Variants in GSG1L observed in about 807,000 individuals in gnomAD.
The protein encoded by GSG1L is GSG1 like.
A neutral mutation model predicts 42.1 loss-of-function variants in GSG1L; 24 were observed. The observed-to-expected ratio is 0.57, with a 90% CI of 0.41 to 0.80. The LOEUF is 0.80. GSG1L is among the 30% of genes least tolerant of loss of function. The pLI is 0.00. For missense variants in GSG1L, 445 were observed against 472.2 expected, an observed-to-expected ratio of 0.94 and a Z score of 0.53; for synonymous variants, 215 against 203.5, an observed-to-expected ratio of 1.06 and a Z score of -0.48.
Position 27,922,000 on chromosome 16 carries a change from CTT to C in GSG1L, c.398-37364_398-37363del, listed in dbSNP as rs5816454. On this transcript the variant is annotated intron_variant, in intron 2 of 6. Coordinates refer to ENST00000447459, the MANE Select transcript of GSG1L (RefSeq NM_001109763.2). ...TATTGTTGTTGTTGTTGTTTGTTGT[CTT>C]TTTTTTTTTTTTTGGCTTCCTGAGT... Among the ~76,000 whole-genome samples the C allele has an allele frequency of 9.2e-3, 1,226 of 133,566 alleles. 10 individuals are homozygous for C. The highest frequency in any genetic ancestry group is 0.029 in the African/African-American group (1,029 of 36,102). The allele number at this position is 133,566 out of a possible 152,430, so 87.6% of individuals were successfully genotyped here.
chr16:27,878,032 C>A (rs1254643510), intron 3 of GSG1L, among the ~76,000 whole-genome samples: 1 of 151,962 alleles, frequency 6.6e-6, no homozygotes, highest in Non-Finnish European at 1.5e-5. Flanking sequence ...TACCCCAGGG[C>A]CAGCGCATAG....
intron 1 of GSG1L, among the ~76,000 whole-genome samples, chr16:28,044,989 CTA>C (rs946480087): frequency 6.6e-6 from 1 of 152,116 alleles, no homozygotes; most frequent in African/African-American, 2.4e-5. Flanking sequence ...GATTCCAACT[CTA>C]TGACAGTTTT....
chr16:27,825,057 C>A (rs1363818895), intron 5 of GSG1L, among the ~76,000 whole-genome samples: 1 of 152,104 alleles, frequency 6.6e-6, no homozygotes, highest in East Asian at 1.9e-4. Context: ...CGAGATTGAA[C>A]ACCTGACCTA....
chr16:27,951,453 C>T (rs936367361), intron 2 of GSG1L, among the ~76,000 whole-genome samples: 2 of 152,130 alleles, frequency 1.3e-5, no homozygotes, highest in African/African-American at 4.8e-5. Context: ...CCAGGAGGTA[C>T]CCAGTCCCTC....
intron 3 of GSG1L, among the ~76,000 whole-genome samples, chr16:27,869,712 TC>T (rs1403151915): frequency 6.8e-6 from 1 of 146,446 alleles, no homozygotes; most frequent in Non-Finnish European, 1.5e-5. Context: ...CATTTCTCTC[TC>T]CTTCTCTCTC....
intron 2 of GSG1L, among the ~76,000 whole-genome samples, chr16:27,912,673 G>A (rs1312359182): frequency 6.6e-6 from 1 of 152,208 alleles, no homozygotes; most frequent in Non-Finnish European, 1.5e-5. Context: ...GATTGACGCA[G>A]CCACTTCAGA....
At chr16:27,985,501 C>T (rs62031270) in intron 1 of GSG1L, among the ~76,000 whole-genome samples, 29,494 of 152,094 alleles carry the variant, frequency 0.19, 3,499 homozygotes, top group Middle Eastern at 0.29. Context: ...CGATGCTTTC[C>T]GCTCAGCCTG....
chr16:27,915,559 T>C (rs2084444801), intron 2 of GSG1L, among the ~76,000 whole-genome samples: 1 of 152,174 alleles, frequency 6.6e-6, no homozygotes, highest in African/African-American at 2.4e-5. Flanking sequence ...GCACCTACTA[T>C]GTGCTGGGTG....
At position 27,911,171 on chromosome 16, in the gene GSG1L, C is replaced by A. The variant is rs912967777; in HGVS notation, c.398-26533G>T. ...CCCCCACCCAGCCTGACTGGACTTC[C>A]TTGGAGTTTCTTGGCAGCCACAACC... On this transcript the variant is annotated intron_variant, in intron 2 of 6. Coordinates refer to ENST00000447459, the MANE Select transcript of GSG1L (RefSeq NM_001109763.2). 8.5e-5 allele frequency among the ~76,000 whole-genome samples: 13 copies of A among 152,224 alleles called. 1 individual carries two copies. The highest frequency in any genetic ancestry group is 3.1e-4 in the African/African-American group (13 of 41,540).
intron 3 of GSG1L, among the ~76,000 whole-genome samples, chr16:27,847,798 C>T (rs1053734941): frequency 6.6e-5 from 10 of 152,164 alleles, no homozygotes; most frequent in Non-Finnish European, 1.3e-4. Context: ...CCTCCTTCTC[C>T]AGCCATGTAA....
intron 5 of GSG1L, among the ~76,000 whole-genome samples, chr16:27,819,639 C>T (rs994052766): frequency 1.3e-5 from 2 of 152,130 alleles, no homozygotes; most frequent in Admixed American, 6.5e-5. Flanking sequence ...GGAACATGGC[C>T]GGGCTGGGGA....
At chr16:28,051,411 T>C (rs1171284292) in intron 1 of GSG1L, among the ~76,000 whole-genome samples, 1 of 152,006 alleles carries the variant, frequency 6.6e-6, no homozygotes, top group African/African-American at 2.4e-5. Context: ...AAAGTGTTGA[T>C]TTTCAGACAG....
chr16:27,816,803 G>C (rs1218100788), intron 5 of GSG1L, among the ~76,000 whole-genome samples: 1 of 152,132 alleles, frequency 6.6e-6, no homozygotes, highest in Non-Finnish European at 1.5e-5. Flanking sequence ...CCTGGAGCTA[G>C]AGCGAGTTTC....
intron 5 of GSG1L, among the ~76,000 whole-genome samples, chr16:27,808,002 G>C (rs957164770): frequency 6.6e-6 from 1 of 152,184 alleles, no homozygotes; most frequent in African/African-American, 2.4e-5. Flanking sequence ...TGAATATAGG[G>C]AATTAACTCC....
intron 1 of GSG1L, among the ~76,000 whole-genome samples, chr16:28,018,209 T>C (rs2085801856): frequency 6.6e-6 from 1 of 152,182 alleles, no homozygotes; most frequent in African/African-American, 2.4e-5. Flanking sequence ...CTTTTGGCTG[T>C]AATAAAAACC....
intron 1 of GSG1L, among the ~76,000 whole-genome samples, chr16:28,007,533 G>C (rs1183372274): frequency 6.6e-6 from 1 of 151,986 alleles, no homozygotes; most frequent in Non-Finnish European, 1.5e-5. Context: ...TTGGTTTTGA[G>C]ACAGGATCTT....
chr16:27,959,749 T>G (rs1292884547), intron 2 of GSG1L, among the ~76,000 whole-genome samples: 3 of 152,160 alleles, frequency 2.0e-5, no homozygotes, highest in East Asian at 3.9e-4. Context: ...ACCACTGCAC[T>G]ACAGATTGGG....
At chr16:27,916,757 G>T (rs1358496607) in intron 2 of GSG1L, among the ~76,000 whole-genome samples, 1 of 152,082 alleles carries the variant, frequency 6.6e-6, no homozygotes, top group Non-Finnish European at 1.5e-5. Flanking sequence ...CCCTCATGGG[G>T]TTGTTAAAAA....
At chr16:27,952,035 C>A (rs183178611) in intron 2 of GSG1L, among the ~76,000 whole-genome samples, 2 of 152,276 alleles carry the variant, frequency 1.3e-5, no homozygotes, top group Admixed American at 1.3e-4. Flanking sequence ...CCCAGGGCAC[C>A]AAGAAACAGG....
Sources: allele counts gnomAD v4.1 joint callset (sites outside exome capture counted in the v4.1 genomes callset), GRCh38; gene constraint gnomAD v4.1.1; transcripts MANE v1.5; gene names NCBI Gene and HGNC (gene_info 2026-07-23, HGNC 2026-07-21).